The following CERS4 variants were observed in gnomAD, a reference collection of about 807,000 sequenced individuals.
CERS4 encodes LAG1 homolog, ceramide synthase 4.
Under a neutral mutation model 51.8 loss-of-function variants are expected in CERS4, and 65 were observed. The observed-to-expected ratio is 1.26, with a 90% confidence interval of 1.03 to 1.54. The LOEUF (loss-of-function observed/expected upper bound fraction) is 1.54, where lower values mean the gene tolerates loss of function less well. Among genes scored for constraint, CERS4 ranks in the 40% most tolerant of loss-of-function variants. CERS4 has a pLI of 0.00. For synonymous variants in CERS4, 228 were observed against 208.4 expected, an observed-to-expected ratio of 1.09 and a Z score of -0.81; for missense variants, 563 against 500.4, an observed-to-expected ratio of 1.13 and a Z score of -1.19.
intron 2 of CERS4, among the ~76,000 whole-genome samples, chr19:8,244,357 CT>C (rs1968665219): frequency 6.6e-6 from 1 of 152,154 alleles, no homozygotes; most frequent in Admixed American, 6.5e-5. Flanking sequence ...GATTGCCTCC[CT>C]GCAGAAAATG....
intron 2 of CERS4, among the ~76,000 whole-genome samples, chr19:8,238,113 G>A (rs1968356752): frequency 6.6e-6 from 1 of 151,824 alleles, no homozygotes; most frequent in Non-Finnish European, 1.5e-5. Flanking sequence ...CAACCCCCCA[G>A]AGACCAGATC....
At chr19:8,224,502 C>T (rs1212883439) in intron 2 of CERS4, among the ~76,000 whole-genome samples, 1 of 151,700 alleles carries the variant, frequency 6.6e-6, no homozygotes, top group Admixed American at 6.6e-5. Flanking sequence ...AGCCCAGCGG[C>T]GATTGGTCGG....
intron 4 of CERS4, among the ~76,000 whole-genome samples, chr19:8,254,932 A>AGCCTTAGTGGG (rs1969299673): frequency 6.6e-6 from 1 of 151,828 alleles, no homozygotes; most frequent in South Asian, 2.1e-4. Flanking sequence ...AGCCTCCCTG[A>AGCCTTAGTGGG]GCCTTAGTGG....
intron 3 of CERS4, among the ~76,000 whole-genome samples, chr19:8,253,502 C>T (rs1378109990): frequency 6.7e-6 from 1 of 148,268 alleles, no homozygotes; most frequent in Non-Finnish European, 1.5e-5. Flanking sequence ...CTCTGTCACC[C>T]AGGCTTGAGT....
At chr19:8,258,825 G>A (rs764699442) in intron 10 of CERS4, among the ~76,000 whole-genome samples, 17 of 151,834 alleles carry the variant, frequency 1.1e-4, no homozygotes, top group South Asian at 2.1e-4. Context: ...CTGGGTGACA[G>A]AGGGAGACTT....
At chr19:8,248,451 G>A (rs535523021) in intron 2 of CERS4, among the ~76,000 whole-genome samples, 98 of 151,906 alleles carry the variant, frequency 6.5e-4, no homozygotes, top group Non-Finnish European at 1.0e-3. Flanking sequence ...GATGATGAGC[G>A]GATAGATGTT....
chr19:8,223,216 C>T (rs905463014), intron 2 of CERS4, among the ~76,000 whole-genome samples: 1 of 151,632 alleles, frequency 6.6e-6, no homozygotes, highest in Non-Finnish European at 1.5e-5. Context: ...CCTGTAATCC[C>T]AGCACTTTGG....
intron 4 of CERS4, among the ~76,000 whole-genome samples, chr19:8,255,115 T>C (rs1257148618): frequency 6.6e-6 from 1 of 152,110 alleles, no homozygotes; most frequent in Non-Finnish European, 1.5e-5. Context: ...GGGTCTGTGC[T>C]GTGGAGGCGT....
At chr19:8,231,575 G>A (rs1330918415) in intron 2 of CERS4, among the ~76,000 whole-genome samples, 3 of 152,024 alleles carry the variant, frequency 2.0e-5, no homozygotes, top group South Asian at 4.1e-4. Context: ...TTGAGATGGA[G>A]TCTTGCTCTG....
intron 2 of CERS4, among the ~76,000 whole-genome samples, chr19:8,246,515 T>A (rs1002512960): frequency 1.3e-5 from 2 of 152,012 alleles, no homozygotes; most frequent in Non-Finnish European, 2.9e-5. Flanking sequence ...CCATGATCGC[T>A]GCATTCCAGC....
chr19:8,259,637 G>A (rs1969575235), intron 10 of CERS4, among the ~76,000 whole-genome samples: 1 of 152,154 alleles, frequency 6.6e-6, no homozygotes. Context: ...CTGGGATCAG[G>A]AGGTGGGAAC....
rs1967038158 is a variant in CERS4, at chr19:8,210,434, G to A, written c.-158-272G>A. On this transcript the variant is annotated intron_variant, in intron 1 of 11. Transcript: ENST00000251363. This position sits in a 1 kb window ranked among gnomAD's most constrained non-coding sequence, Gnocchi z 4.2. ...GTATATAGAAGAGGCTTTCATTGCT[G>A]GGTTGGGAGACTTGAGGAGAAGCTG... Among the ~76,000 whole-genome samples, 1 of 152,116 alleles carries A rather than the reference G, an allele frequency of 6.6e-6. No homozygotes were observed. Among genetic ancestry groups the A allele is most frequent in the African/African-American group, 2.4e-5 (1 of 41,394 alleles).
chr19:8,226,304 C>T (rs1314040424), intron 2 of CERS4, among the ~76,000 whole-genome samples: 4 of 152,098 alleles, frequency 2.6e-5, no homozygotes, highest in Admixed American at 2.0e-4. Context: ...TGGATAATAC[C>T]TGGGATGGTA....
intron 10 of CERS4, among the ~76,000 whole-genome samples, chr19:8,258,626 C>T (rs1368255849): frequency 3.3e-5 from 5 of 151,934 alleles, no homozygotes; most frequent in Non-Finnish European, 5.9e-5. Flanking sequence ...AGGAAGATCA[C>T]GAGGTCAGGA....
intron 7 of CERS4, 32 bp from the exon 8 acceptor site, chr19:8,256,586 C>T: frequency 6.3e-7 from 1 of 1,588,812 alleles, no homozygotes. Context: ...GCCTTCGCTC[C>T]CCACAGCTAA....
chr19:8,235,270 G>C (rs1968199031), intron 2 of CERS4, among the ~76,000 whole-genome samples: 1 of 151,532 alleles, frequency 6.6e-6, no homozygotes, highest in South Asian at 2.1e-4. Context: ...GCCTCCCAAA[G>C]TGCTGGGATT....
chr19:8,252,716 G>A (rs1268560983), intron 3 of CERS4, among the ~76,000 whole-genome samples: 3 of 152,178 alleles, frequency 2.0e-5, no homozygotes, highest in African/African-American at 7.2e-5. Flanking sequence ...TGGGATTACA[G>A]GCAAGTGACA....
intron 2 of CERS4, among the ~76,000 whole-genome samples, chr19:8,218,678 T>C (rs1273129076): frequency 6.6e-6 from 1 of 152,154 alleles, no homozygotes; most frequent in Non-Finnish European, 1.5e-5. Context: ...AGGGATGGAC[T>C]CCATCTGTGT....
rs758965317 is a variant in CERS4, at chr19:8,257,963, C to CAGAA, written c.826_827insAGAA (p.Arg276GlnfsTer55). The CAGAA allele has an allele frequency of 6.2e-7, 1 of 1,613,916 alleles. No individual in the cohort carries two copies. The highest frequency in any genetic ancestry group is 1.1e-5 in the South Asian group (1 of 91,092). ...CTTCTCCTTTGTCTTCTTCTACACC[C>CAGAA]GACTGGTCCTCTTTCCCACCCAGTG... On this transcript the variant is annotated frameshift_variant, in exon 10 of 12. Transcript: ENST00000251363. LOFTEE classifies it high-confidence loss of function.
Sources: gnomAD v4.1 joint callset for allele counts (sites outside exome capture counted in the v4.1 genomes callset) on GRCh38, gnomAD v4.1.1 for gene constraint, Gnocchi (gnomAD v3.1) non-coding constraint, MANE v1.5 for transcripts, NCBI Gene and HGNC (gene_info 2026-07-23, HGNC 2026-07-21) for gene names.